The following SORL1 variants were observed in gnomAD, a reference collection of about 807,000 sequenced individuals.
The protein encoded by SORL1 is sortilin related receptor 1.
A neutral mutation model predicts 273.7 loss-of-function variants in SORL1; 127 were observed. The observed-to-expected ratio is 0.46, with a 90% CI of 0.40 to 0.54. SORL1 has a LOEUF of 0.54. SORL1 is among the 20% of genes least tolerant of loss of function. The pLI is 0.00. For synonymous variants in SORL1, 1,031 were observed against 1,067.4 expected (o/e 0.97, Z 0.66); for missense variants, 2,494 against 2,846.1 (o/e 0.88, Z 2.81).
At chr11:121,498,107 A>G (rs1322295901) in intron 6 of SORL1, among the ~76,000 whole-genome samples, 6 of 152,244 alleles carry the variant, frequency 3.9e-5, no homozygotes, top group Admixed American at 2.0e-4. Flanking sequence ...CTGAAAAACC[A>G]TTAGCCTATG....
intron 20 of SORL1, 111 bp downstream of exon 20, chr11:121,558,948 T>A: frequency 4.3e-6 from 6 of 1,396,158 alleles, no homozygotes; most frequent in Non-Finnish European, 5.8e-6. Flanking sequence ...TTCTTAAAGG[T>A]TGCCTTTTTT....
At chr11:121,537,039 A>G (rs958530057) in intron 12 of SORL1, among the ~76,000 whole-genome samples, 3 of 152,276 alleles carry the variant, frequency 2.0e-5, no homozygotes, top group South Asian at 2.1e-4. Context: ...AAAGGATACA[A>G]AGCAAGGTCG....
In SORL1 at chr11:121,594,444, AC is replaced by A. The variant is rs1299542469; in HGVS notation, c.4370-1172del. 3.1e-5 allele frequency among the ~76,000 whole-genome samples: 4 copies of A among 127,332 alleles called. No homozygotes were observed. In the South Asian group the frequency reaches 7.8e-4, roughly 25 times the overall value. The allele number at this position is 127,332 out of a possible 152,430, so 83.5% of individuals were successfully genotyped here. A position where few individuals can be genotyped will look rare whatever the true frequency, so the allele number is the denominator to read the frequency against. On this transcript the variant is annotated intron_variant, in intron 31 of 47. Transcript: ENST00000260197. Reference sequence around the variant, plus strand: ...ATAGTTTTGAAAATTCCCTTCCCCCACCCCCCCAATTTTCTAGGAGATTTAC... The same window carrying A: ...ATAGTTTTGAAAATTCCCTTCCCCCACCCCCCAATTTTCTAGGAGATTTAC...
At chr11:121,531,837 CTCCTTTCTCTGGT>C (rs1862206404) in intron 11 of SORL1, among the ~76,000 whole-genome samples, 1 of 152,198 alleles carries the variant, frequency 6.6e-6, no homozygotes, top group Non-Finnish European at 1.5e-5. Context: ...CCTATAGGGG[CTCCTTTCTCTGGT>C]TCCTTTGGGG....
At chr11:121,547,407 C>T (rs1862445241) in intron 14 of SORL1, among the ~76,000 whole-genome samples, 1 of 103,464 alleles carries the variant, frequency 9.7e-6, no homozygotes, top group South Asian at 3.0e-4. Context: ...TACATTTCCC[C>T]AACCCTCACC....
intron 6 of SORL1, among the ~76,000 whole-genome samples, chr11:121,503,107 C>G (rs1278493665): frequency 6.6e-6 from 1 of 152,034 alleles, no homozygotes; most frequent in Non-Finnish European, 1.5e-5. Context: ...TGGGCTCAAG[C>G]AGTCCTCCCA....
chr11:121,626,822 C>T (rs1863801247), intron 46 of SORL1: 1 of 152,198 alleles, frequency 6.6e-6, no homozygotes, highest in South Asian at 2.1e-4. Flanking sequence ...GCCCCTACCC[C>T]AGCAGGATGG....
Position 121,550,607 on chromosome 11 carries a change from A to C in SORL1, c.2203A>C (p.Thr735Pro). ...CAGCTACCGGAAGATTTCTGGGGAC[A>C]CTTGTAGCGGAGGAGATGTTGAAGC... ...TRGYRKISGD[T>P]CSGGDVEARL... Residue 735 changes from threonine to proline, a missense_variant, in exon 16 of 48, where the codon ACT (threonine) becomes CCT (proline). This residue lies in a region of SORL1 where 710 missense variants were observed against 882.5 expected (regional missense o/e 0.80). Coordinates refer to ENST00000260197, the MANE Select transcript of SORL1 (RefSeq NM_003105.6). The surrounding 1 kb of genome is among the most constrained non-coding windows in gnomAD (Gnocchi z 5.3). 1 of 1,614,098 alleles carries C rather than the reference A, an allele frequency of 6.2e-7. No individual in the cohort carries two copies. The highest frequency in any genetic ancestry group is 8.5e-7 in the Non-Finnish European group (1 of 1,179,994).
Position 121,545,296 on chromosome 11 carries a change from G to A in SORL1, c.1918G>A (p.Gly640Arg), listed in dbSNP as rs1206236049. The A allele has an allele frequency of 6.2e-7, 1 of 1,614,036 alleles. No homozygotes were observed. Among genetic ancestry groups the A allele is most frequent in the Admixed American group, 1.7e-5 (1 of 60,012 alleles). Reference sequence around the variant, plus strand: ...GCTGTGGTCACCATCTGATGAGCGGGGGAATGAGTGTTTGCTGGGACACAA... The same window carrying A: ...GCTGTGGTCACCATCTGATGAGCGGAGGAATGAGTGTTTGCTGGGACACAA... ...YKLWSPSDER[G>R]NECLLGHKTV... is the part of the protein sequence containing the mutation. Residue 640 changes from glycine to arginine, a missense_variant, in exon 14 of 48, where the codon GGG (glycine) becomes AGG (arginine). Transcript: ENST00000260197.
At chr11:121,571,178 G>C (rs2134928456) in intron 23 of SORL1, among the ~76,000 whole-genome samples, 1 of 152,362 alleles carries the variant, frequency 6.6e-6, no homozygotes. Context: ...TGTAGGATGG[G>C]CACCCAAAGC....
In SORL1 at chr11:121,588,486, GGCACTCCCA is replaced by G. The variant is rs1863156013; in HGVS notation, c.3946+338_3946+346del. Reference sequence around the variant, plus strand: ...CTTTCTTGCCAGTACTGTATCAGATGGCACTCCCAGCGTGCCGTAGCCCCTTACCCTGCT... The same window carrying G: ...CTTTCTTGCCAGTACTGTATCAGATGGCGTGCCGTAGCCCCTTACCCTGCT... On this transcript the variant is annotated intron_variant, in intron 28 of 47. Coordinates refer to ENST00000260197, the MANE Select transcript of SORL1 (RefSeq NM_003105.6). Among the ~76,000 whole-genome samples, 4 of 152,234 alleles carry G rather than the reference GGCACTCCCA, an allele frequency of 2.6e-5. No homozygotes were observed. The South Asian group carries it at 8.3e-4, about 32-fold the overall frequency.
At chr11:121,567,195 T>C in intron 22 of SORL1, 82 bp downstream of exon 22, 1 of 1,218,858 alleles carries the variant, frequency 8.2e-7, no homozygotes, top group South Asian at 1.4e-5. Context: ...GATAGCTCTC[T>C]GTTTCCTAAC....
Position 121,590,626 on chromosome 11 carries a change from G to A in SORL1, c.4214-375G>A, listed in dbSNP as rs541777091. On this transcript the variant is annotated intron_variant, in intron 30 of 47. Transcript: ENST00000260197. The stretch of plus-strand genomic sequence containing the variant: ...TCTGGCATTCTCATCTCTGAACCAG[G>A]TCGTGGAGTAGTTGCGGTTGAATTA... 106 of 601,148 alleles carry A rather than the reference G, an allele frequency of 1.8e-4. No homozygotes were observed. The African/African-American group carries it at 1.9e-3, about 11-fold the overall frequency. The allele number at this position is 601,148 out of a possible 1,614,324, so 37.2% of individuals were successfully genotyped here. A position where few individuals can be genotyped will look rare whatever the true frequency, so the allele number is the denominator to read the frequency against.
chr11:121,539,683 C>T (rs765078006), intron 12 of SORL1, among the ~76,000 whole-genome samples: 1 of 151,176 alleles, frequency 6.6e-6, no homozygotes, highest in African/African-American at 2.4e-5. Flanking sequence ...TTTTTACTAA[C>T]GAAGTCTTTA....
In SORL1 at chr11:121,550,189, G is replaced by T; in HGVS notation, c.2180+101G>T. The T allele has an allele frequency of 7.9e-7, 1 of 1,260,902 alleles. No homozygotes were observed. The highest frequency in any genetic ancestry group is 1.1e-6 in the Non-Finnish European group (1 of 927,220). 78.1% of individuals were successfully genotyped at this position (1,260,902 alleles called of 1,614,324 possible). A position where few individuals can be genotyped will look rare whatever the true frequency, so the allele number is the denominator to read the frequency against. ...GGATTGCTCTACACTCGAAATTCTA[G>T]AATTCCAAGTTAACAGCCTGCAAGT... is the stretch of plus-strand genomic sequence containing the variant. On this transcript the variant is annotated intron_variant, in intron 15 of 47. Transcript: ENST00000260197. The surrounding 1 kb of genome is among the most constrained non-coding windows in gnomAD (Gnocchi z 5.3).
chr11:121,464,064 T>TA (rs1027954063), intron 1 of SORL1, among the ~76,000 whole-genome samples: 1 of 152,226 alleles, frequency 6.6e-6, no homozygotes, highest in African/African-American at 2.4e-5. Flanking sequence ...TGTAGAATTT[T>TA]AAAAACGCTT....
chr11:121,630,235 G>A lies in SORL1; in HGVS notation c.*672G>A, dbSNP rs1863855667. 1.3e-5 allele frequency: 2 copies of A among 152,304 alleles called. No homozygotes were observed. Among genetic ancestry groups the A allele is most frequent in the African/African-American group, 4.8e-5 (2 of 41,446 alleles). The allele number at this position is 152,304 out of a possible 1,614,324, so 9.4% of individuals were successfully genotyped here. On this transcript the variant is annotated 3_prime_UTR_variant, in exon 48 of 48. Coordinates refer to ENST00000260197, the MANE Select transcript of SORL1 (RefSeq NM_003105.6). ...TGGCAGGAGAGAGCACTGAGTCATT[G>A]CTGGAGTTCAGTTCAACAGAGCTGC... is the stretch of plus-strand genomic sequence containing the variant.
intron 40 of SORL1, among the ~76,000 whole-genome samples, chr11:121,613,800 T>C (rs1863601735): frequency 6.6e-6 from 1 of 152,216 alleles, no homozygotes; most frequent in Admixed American, 6.5e-5. Context: ...TATGATCTCA[T>C]TGCCTTAGTG....
At chr11:121,465,006 T>C (rs1861061679) in intron 1 of SORL1, among the ~76,000 whole-genome samples, 1 of 152,208 alleles carries the variant, frequency 6.6e-6, no homozygotes, top group Non-Finnish European at 1.5e-5. Flanking sequence ...CCTAGAGGCC[T>C]TAAAAAAATT....
Sources: gnomAD v4.1 joint callset for allele counts (sites outside exome capture counted in the v4.1 genomes callset) on GRCh38, gnomAD v4.1.1 for gene constraint, gnomAD v4.1.1 regional missense constraint, Gnocchi (gnomAD v3.1) non-coding constraint, MANE v1.5 for transcripts, NCBI Gene and HGNC (gene_info 2026-07-23, HGNC 2026-07-21) for gene names.